The following FSTL5 variants were observed in gnomAD, a reference collection of about 807,000 sequenced individuals.
FSTL5 encodes the protein follistatin like 5.
FSTL5 carries 62 observed loss-of-function variants against 89.1 expected under a neutral mutation model. The ratio of observed to expected loss-of-function variants is 0.70; its 90% CI spans 0.57 to 0.86. The LOEUF is 0.86. Ranked by LOEUF, FSTL5 falls within the 40% of genes least tolerant of loss-of-function variation. The pLI is 0.00. For missense variants in FSTL5, 1,057 were observed against 1,001.6 expected (o/e 1.06, Z -0.75); for synonymous variants, 383 against 346.2 (o/e 1.11, Z -1.18).
At chr4:161,768,939 A>G (rs543936345) in intron 5 of FSTL5, among the ~76,000 whole-genome samples, 1 of 151,900 alleles carries the variant, frequency 6.6e-6, no homozygotes, top group African/African-American at 2.4e-5. Context: ...AAATTGACAA[A>G]CCTTTAGCCA....
At chr4:161,482,694 A>T (rs1038094688) in intron 12 of FSTL5, among the ~76,000 whole-genome samples, 1 of 152,224 alleles carries the variant, frequency 6.6e-6, no homozygotes, top group African/African-American at 2.4e-5. Context: ...CTGCATAACC[A>T]TCATAGGTGG....
chr4:161,907,720 G>A (rs542891077), intron 4 of FSTL5, among the ~76,000 whole-genome samples: 1 of 152,188 alleles, frequency 6.6e-6, no homozygotes, highest in South Asian at 2.1e-4. Flanking sequence ...GGTTGACGAT[G>A]AGGACTTTTT....
chr4:161,973,569 A>G (rs971409664), intron 3 of FSTL5, among the ~76,000 whole-genome samples: 1 of 152,242 alleles, frequency 6.6e-6, no homozygotes. Context: ...AAGAAAGATT[A>G]AATGAGTTAA....
At chr4:161,839,054 C>T (rs1264221644) in intron 4 of FSTL5, among the ~76,000 whole-genome samples, 1 of 151,732 alleles carries the variant, frequency 6.6e-6, no homozygotes, top group Admixed American at 6.6e-5. Context: ...GCAGCTAAAG[C>T]AGTGATTATA....
intron 1 of FSTL5, among the ~76,000 whole-genome samples, chr4:162,123,458 G>A (rs1017390760): frequency 2.6e-5 from 4 of 152,106 alleles, no homozygotes; most frequent in Non-Finnish European, 5.9e-5. Context: ...GGGAAGATAG[G>A]TTAATGCTTA....
chr4:162,145,031 A>G (rs1296682430), intron 1 of FSTL5, among the ~76,000 whole-genome samples: 3 of 149,086 alleles, frequency 2.0e-5, no homozygotes, highest in East Asian at 3.9e-4. Flanking sequence ...ATATATATTC[A>G]TTGTATGTAT....
At chr4:161,515,551 T>C (rs1730793487) in intron 10 of FSTL5, among the ~76,000 whole-genome samples, 1 of 151,120 alleles carries the variant, frequency 6.6e-6, no homozygotes, top group South Asian at 2.1e-4. Flanking sequence ...CCTACATATA[T>C]GGAAATTTAT....
intron 3 of FSTL5, among the ~76,000 whole-genome samples, chr4:161,955,770 GCAGTTTCAATGACCATGTGA>G (rs1451073198): frequency 9.2e-5 from 14 of 151,816 alleles, no homozygotes; most frequent in African/African-American, 3.1e-4. Flanking sequence ...TGTAACTCTT[GCAGTTTCAATGACCATGTGA>G]CATGGGTTTA....
At chr4:161,654,904 G>A (rs1157046889) in intron 7 of FSTL5, among the ~76,000 whole-genome samples, 2 of 152,028 alleles carry the variant, frequency 1.3e-5, no homozygotes, top group African/African-American at 4.8e-5. Context: ...ACTCTAAACA[G>A]GTAGCATAGA....
intron 4 of FSTL5, among the ~76,000 whole-genome samples, chr4:161,790,312 C>T (rs942333516): frequency 7.2e-5 from 11 of 152,190 alleles, no homozygotes; most frequent in Non-Finnish European, 2.9e-5. Flanking sequence ...TGAGTCCACA[C>T]AACATGGGTA....
chr4:161,400,889 G>A (rs1731160898), intron 15 of FSTL5, among the ~76,000 whole-genome samples: 2 of 152,048 alleles, frequency 1.3e-5, no homozygotes, highest in South Asian at 2.1e-4. Flanking sequence ...ATTTTTTATA[G>A]TTCCATAAAC....
At chr4:161,685,063 T>A (rs1737666548) in intron 6 of FSTL5, among the ~76,000 whole-genome samples, 1 of 152,154 alleles carries the variant, frequency 6.6e-6, no homozygotes, top group African/African-American at 2.4e-5. Flanking sequence ...GCTGTAAGTA[T>A]TTGGGTTTAT....
At chr4:161,669,526 G>A (rs1199698766) in intron 6 of FSTL5, among the ~76,000 whole-genome samples, 1 of 152,008 alleles carries the variant, frequency 6.6e-6, no homozygotes, top group Non-Finnish European at 1.5e-5. Context: ...AAAGAGAAAT[G>A]ACAATGCAAG....
chr4:161,703,050 T>C (rs1485969164), intron 6 of FSTL5, among the ~76,000 whole-genome samples: 2 of 151,968 alleles, frequency 1.3e-5, no homozygotes, highest in Non-Finnish European at 2.9e-5. Flanking sequence ...AACAGAGATA[T>C]GCACACGTAA....
At chr4:161,804,477 T>C (rs1000025349) in intron 4 of FSTL5, among the ~76,000 whole-genome samples, 1 of 151,966 alleles carries the variant, frequency 6.6e-6, no homozygotes, top group African/African-American at 2.4e-5. Flanking sequence ...TTGAAAAAAT[T>C]GTGGGCAAAT....
chr4:161,840,257 G>C (rs1182189723), intron 4 of FSTL5, among the ~76,000 whole-genome samples: 4 of 152,084 alleles, frequency 2.6e-5, no homozygotes, highest in Non-Finnish European at 5.9e-5. Flanking sequence ...GAAGTAAAGA[G>C]TGAAAAGGGT....
chr4:161,425,453 G>A (rs1732137787), intron 15 of FSTL5, among the ~76,000 whole-genome samples: 1 of 152,104 alleles, frequency 6.6e-6, no homozygotes, highest in African/African-American at 2.4e-5. Context: ...TATACTTAAG[G>A]GTACACTTGG....
intron 2 of FSTL5, among the ~76,000 whole-genome samples, chr4:162,098,214 T>G (rs1730841231): frequency 6.6e-6 from 1 of 151,954 alleles, no homozygotes; most frequent in Admixed American, 6.6e-5. Flanking sequence ...ACGTATTACA[T>G]AAATCTGCTA....
chr4:161,644,093 T>C (rs1736056734), intron 7 of FSTL5, among the ~76,000 whole-genome samples: 1 of 151,372 alleles, frequency 6.6e-6, no homozygotes, highest in Non-Finnish European at 1.5e-5. Flanking sequence ...AGTTTTTTGA[T>C]GAGGAACTTT....
Sources: allele counts gnomAD v4.1 joint callset (sites outside exome capture counted in the v4.1 genomes callset), GRCh38; gene constraint gnomAD v4.1.1; transcripts MANE v1.5; gene names NCBI Gene and HGNC (gene_info 2026-07-23, HGNC 2026-07-21).